The following FSIP1 variants were observed in gnomAD, a reference collection of about 807,000 sequenced individuals.
FSIP1 encodes fibrous sheath interacting protein 1.
Under a neutral mutation model 60.9 loss-of-function variants are expected in FSIP1, and 65 were observed. That is an observed-to-expected ratio of 1.07 (90% confidence interval 0.87 to 1.31). The LOEUF (loss-of-function observed/expected upper bound fraction) is 1.31, where lower values mean the gene tolerates loss of function less well. FSIP1 is among the 40% of genes most tolerant of loss of function. FSIP1 has a pLI of 0.00. For missense variants in FSIP1, 675 were observed against 665.5 expected (o/e 1.01, Z -0.16); for synonymous variants, 209 against 221.2 (o/e 0.94, Z 0.49).
At chr15:39,608,691 A>G (rs1309334705) in intron 11 of FSIP1, among the ~76,000 whole-genome samples, 1 of 152,246 alleles carries the variant, frequency 6.6e-6, no homozygotes, top group Non-Finnish European at 1.5e-5. Flanking sequence ...CTCTGCTGCT[A>G]AATAAAAACA....
intron 10 of FSIP1, among the ~76,000 whole-genome samples, chr15:39,676,399 G>C (rs946353013): frequency 3.9e-5 from 6 of 152,136 alleles, no homozygotes; most frequent in Non-Finnish European, 8.8e-5. Flanking sequence ...GCCCAGTAAG[G>C]AAATCTCTTT....
intron 10 of FSIP1, among the ~76,000 whole-genome samples, chr15:39,629,815 A>G (rs931534265): frequency 1.3e-5 from 2 of 152,210 alleles, no homozygotes; most frequent in Non-Finnish European, 2.9e-5. Flanking sequence ...ATAGAAAGAT[A>G]TTTGAAAGAT....
rs114342611 is a variant in FSIP1 at position 39,738,153 on chromosome 15, T to C, written c.829A>G (p.Lys277Glu). 1,510 of 1,613,584 alleles carry C rather than the reference T, an allele frequency of 9.4e-4. 14 individuals are homozygous for C. In the African/African-American group the frequency reaches 0.019, roughly 20 times the overall value. ...TCCTTCAAAAGCTCAACCAGCCTTT[T>C]CTTCTCTCTGTCAACCATAACCACT... ...NPVVMVDREK[K>E]RLVELLKDLD... The change falls in exon 8 of 12, where the codon AAA becomes GAA. Residue 277 changes from lysine to glutamate, a missense_variant. Transcript: ENST00000350221.
chr15:39,600,480 C>G lies in FSIP1; in HGVS notation c.*400G>C, dbSNP rs1056798011. On this transcript the variant is annotated 3_prime_UTR_variant, in exon 12 of 12. Transcript: ENST00000350221. ...CAAGTGGGAAGAAGGAAAAGCAGGGCCACAGCAAAAATTCCCAGTGACCAC... is the reference window on the plus strand; with the variant it reads ...CAAGTGGGAAGAAGGAAAAGCAGGGGCACAGCAAAAATTCCCAGTGACCAC... 1 of 154,950 alleles carries G rather than the reference C, an allele frequency of 6.5e-6. No homozygotes were observed. Among genetic ancestry groups the G allele is most frequent in the Non-Finnish European group, 1.4e-5 (1 of 70,094 alleles). The allele number at this position is 154,950 out of a possible 1,614,324, so 9.6% of individuals were successfully genotyped here. A position where few individuals can be genotyped will look rare whatever the true frequency, so the allele number is the denominator to read the frequency against.
chr15:39,776,113 G>C (rs1190891091), intron 2 of FSIP1, among the ~76,000 whole-genome samples: 6 of 126,522 alleles, frequency 4.7e-5, no homozygotes, highest in Non-Finnish European at 1.0e-4. Flanking sequence ...AAAAAGAAAG[G>C]AAAAAAAGGA....
At chr15:39,752,947 C>T (rs189675231) in intron 5 of FSIP1, among the ~76,000 whole-genome samples, 44 of 151,778 alleles carry the variant, frequency 2.9e-4, no homozygotes, top group Non-Finnish European at 5.0e-4. Flanking sequence ...GAAAAAACTT[C>T]CAGGTTAAAA....
chr15:39,665,472 T>C (rs41446549), intron 10 of FSIP1, among the ~76,000 whole-genome samples: 9,177 of 152,316 alleles, frequency 0.06, 423 homozygotes, highest in Non-Finnish European at 0.094. Flanking sequence ...GCAGAAGTTA[T>C]TTAGTCATGA....
intron 10 of FSIP1, among the ~76,000 whole-genome samples, chr15:39,637,706 T>C (rs1369929590): frequency 1.3e-5 from 2 of 151,978 alleles, no homozygotes; most frequent in African/African-American, 4.8e-5. Flanking sequence ...CTAGATTCAA[T>C]GATGAGAGGC....
intron 5 of FSIP1, among the ~76,000 whole-genome samples, chr15:39,754,975 G>T (rs543108853): frequency 6.6e-6 from 1 of 152,122 alleles, no homozygotes; most frequent in South Asian, 2.1e-4. Flanking sequence ...AAGTTGACCA[G>T]GTAGCACCAA....
intron 5 of FSIP1, among the ~76,000 whole-genome samples, chr15:39,757,815 G>A (rs1219740662): frequency 6.6e-6 from 1 of 152,144 alleles, no homozygotes; most frequent in African/African-American, 2.4e-5. Flanking sequence ...TCAGTAGCAA[G>A]AGTGAAGTGC....
In FSIP1 at chr15:39,776,418, G is replaced by C. The variant is rs1472218535; in HGVS notation, c.107C>G (p.Thr36Arg). The C allele has an allele frequency of 1.9e-6, 3 of 1,613,808 alleles. No individual in the cohort carries two copies. The South Asian group carries it at 3.3e-5, about 18-fold the overall frequency. The change falls in exon 2 of 12, where the codon ACA becomes AGA. Residue 36 changes from threonine (T) to arginine (R), a missense_variant. By Grantham distance (71) the Thr-to-Arg change is moderately conservative. Coordinates refer to ENST00000350221, the MANE Select transcript of FSIP1 (RefSeq NM_152597.5). ...AATTACCTTGAAGGATCCTGGTTCT[G>C]TTGAGAGCACCTCCAAAGAAGCATT... ...SSNASLEVLS[T>R]EPGSFKVDTA...
intron 10 of FSIP1, among the ~76,000 whole-genome samples, chr15:39,694,979 C>T (rs1265253204): frequency 2.0e-5 from 3 of 152,134 alleles, no homozygotes; most frequent in Non-Finnish European, 4.4e-5. Context: ...TCTGCCCATA[C>T]ATCTGTAACA....
At chr15:39,779,502 C>A (rs1321334665) in intron 1 of FSIP1, among the ~76,000 whole-genome samples, 1 of 152,164 alleles carries the variant, frequency 6.6e-6, no homozygotes, top group Non-Finnish European at 1.5e-5. Flanking sequence ...AAATAAAAAT[C>A]ACCCAACATC....
intron 10 of FSIP1, among the ~76,000 whole-genome samples, chr15:39,663,574 T>C (rs1893384826): frequency 1.3e-5 from 2 of 152,130 alleles, no homozygotes; most frequent in Admixed American, 1.3e-4. Context: ...ATAGGAACTG[T>C]ACTTGGCACA....
chr15:39,671,535 C>A (rs537280385), intron 10 of FSIP1, among the ~76,000 whole-genome samples: 1 of 152,112 alleles, frequency 6.6e-6, no homozygotes, highest in African/African-American at 2.4e-5. Flanking sequence ...GCTACTACCC[C>A]ACTCCTGGGC....
chr15:39,744,028 T>C (rs2140650741), intron 5 of FSIP1, among the ~76,000 whole-genome samples: 1 of 152,340 alleles, frequency 6.6e-6, no homozygotes, highest in East Asian at 1.9e-4. Flanking sequence ...AAAATCTCAA[T>C]AAAGCCTATA....
At chr15:39,646,778 C>T (rs1892634420) in intron 10 of FSIP1, among the ~76,000 whole-genome samples, 1 of 151,496 alleles carries the variant, frequency 6.6e-6, no homozygotes, top group East Asian at 1.9e-4. Flanking sequence ...TTTCCTTGTT[C>T]ATTGCAGCAT....
At chr15:39,746,622 T>G (rs1158740798) in intron 5 of FSIP1, among the ~76,000 whole-genome samples, 1 of 151,848 alleles carries the variant, frequency 6.6e-6, no homozygotes, top group African/African-American at 2.4e-5. Flanking sequence ...GGAAAAAAAA[T>G]GAAAAACAAA....
Position 39,682,068 on chromosome 15 carries a change from G to A in FSIP1, c.1188+31376C>T, listed in dbSNP as rs557557980. Among the ~76,000 whole-genome samples, 7 of 152,200 alleles carry A rather than the reference G, an allele frequency of 4.6e-5. 1 individual carries two copies. In the South Asian group the frequency reaches 1.5e-3, roughly 32 times the overall value. On this transcript the variant is annotated intron_variant, in intron 10 of 11. Transcript: ENST00000350221. Reference sequence around the variant, plus strand: ...CCAAAATTTAACTGAAAGCTGAAAGGCATGCATATTATATAGAAATGCAAA... The same window carrying A: ...CCAAAATTTAACTGAAAGCTGAAAGACATGCATATTATATAGAAATGCAAA...
Sources: allele counts gnomAD v4.1 joint callset (sites outside exome capture counted in the v4.1 genomes callset), GRCh38; gene constraint gnomAD v4.1.1; transcripts MANE v1.5; gene names NCBI Gene and HGNC (gene_info 2026-07-23, HGNC 2026-07-21).